The following RBFOX1 variants were observed in gnomAD, a reference collection of about 807,000 sequenced individuals.
RBFOX1 encodes RNA binding protein fox-1 homolog 1.
A neutral mutation model predicts 57.7 loss-of-function variants in RBFOX1; 8 were observed. The observed-to-expected ratio is 0.14, with a 90% CI of 0.08 to 0.25. The LOEUF (loss-of-function observed/expected upper bound fraction) is 0.25, where lower values mean the gene tolerates loss of function less well. RBFOX1 is among the 10% of genes least tolerant of loss of function. The pLI is 1.00. For missense variants in RBFOX1, 611 were observed against 548.5 expected, an observed-to-expected ratio of 1.11 and a Z score of -1.14; for synonymous variants, 326 against 222.4, an observed-to-expected ratio of 1.47 and a Z score of -4.15.
chr16:7,089,423 C>T (rs1353446601), intron 4 of RBFOX1, among the ~76,000 whole-genome samples: 2 of 151,954 alleles, frequency 1.3e-5, no homozygotes. Flanking sequence ...AAAGTAGTCA[C>T]GTGGGATTGT....
intron 5 of RBFOX1, among the ~76,000 whole-genome samples, chr16:7,542,968 G>C (rs1428546894): frequency 1.3e-5 from 2 of 152,142 alleles, no homozygotes; most frequent in African/African-American, 4.8e-5. Context: ...TACAACTATA[G>C]GTACTGACAT....
At chr16:6,869,449 G>T (rs965513617) in intron 3 of RBFOX1, among the ~76,000 whole-genome samples, 1 of 143,654 alleles carries the variant, frequency 7.0e-6, no homozygotes, top group South Asian at 2.4e-4. Context: ...TATTAGGAAG[G>T]AGTTCCCTTA....
intron 4 of RBFOX1, among the ~76,000 whole-genome samples, chr16:7,366,561 C>G (rs534784871): frequency 6.6e-6 from 1 of 152,226 alleles, no homozygotes; most frequent in East Asian, 1.9e-4. Flanking sequence ...TGGAGGCTGC[C>G]TTAGTCGGCT....
Position 7,217,085 on chromosome 16 carries a change from T to C in RBFOX1, c.27+164987T>C, listed in dbSNP as rs1405986997. Among the ~76,000 whole-genome samples the C allele has an allele frequency of 2.6e-5, 3 of 114,848 alleles. No homozygotes were observed. The Admixed American group carries it at 2.8e-4, about 11-fold the overall frequency. 75.3% of individuals were successfully genotyped at this position (114,848 alleles called of 152,430 possible). On this transcript the variant is annotated intron_variant, in intron 4 of 15. Transcript: ENST00000550418. ...TCCCTCTCCTTTCCCTCTCCTCCCC[T>C]GTTTCCCTTTCCTTCCCTTCCCTTT... is the stretch of plus-strand genomic sequence containing the variant.
chr16:6,395,120 G>A (rs746902846), intron 2 of RBFOX1, among the ~76,000 whole-genome samples: 2 of 152,216 alleles, frequency 1.3e-5, no homozygotes, highest in Non-Finnish European at 2.9e-5. Context: ...TCACCGAAGG[G>A]TTTGCTAAAG....
At chr16:7,396,154 C>A (rs879705377) in intron 4 of RBFOX1, among the ~76,000 whole-genome samples, 2 of 151,972 alleles carry the variant, frequency 1.3e-5, no homozygotes, top group African/African-American at 4.8e-5. Flanking sequence ...GGAAGGAGGA[C>A]GAGAGGAAGA....
chr16:6,600,131 C>A (rs916072248), intron 2 of RBFOX1, among the ~76,000 whole-genome samples: 1 of 152,152 alleles, frequency 6.6e-6, no homozygotes, highest in Non-Finnish European at 1.5e-5. Flanking sequence ...CCTTACCAGA[C>A]CCATCACCCA....
intron 1 of RBFOX1, among the ~76,000 whole-genome samples, chr16:6,063,225 C>T (rs568270155): frequency 3.3e-5 from 5 of 152,156 alleles, no homozygotes; most frequent in African/African-American, 1.2e-4. Context: ...GGAAAGAAAA[C>T]TATCAAGGCA....
intron 3 of RBFOX1, among the ~76,000 whole-genome samples, chr16:5,605,402 A>C (rs2047536650): frequency 6.6e-6 from 1 of 152,226 alleles, no homozygotes; most frequent in East Asian, 1.9e-4. Context: ...GGTTAGACCC[A>C]GTCCCAGGTC....
At chr16:6,142,403 A>G (rs1380707714) in intron 1 of RBFOX1, among the ~76,000 whole-genome samples, 1 of 151,672 alleles carries the variant, frequency 6.6e-6, no homozygotes, top group Non-Finnish European at 1.5e-5. Context: ...TTGTATTTTT[A>G]GTAGAGATGG....
At position 5,836,270 on chromosome 16, in the gene RBFOX1, G is replaced by A. The variant is rs1211956048; in HGVS notation, c.319-31033G>A. Among the ~76,000 whole-genome samples the A allele has an allele frequency of 2.6e-5, 4 of 152,124 alleles. No homozygotes were observed. In the South Asian group the frequency reaches 6.2e-4, roughly 24 times the overall value. On this transcript the variant is annotated intron_variant, in intron 3 of 19. Transcript: ENST00000641259. ...CTAAAGGCTTGAGACCCTGGGACAT[G>A]GGAAGTCCAGGTAGACAGGCAGGGC... is the stretch of plus-strand genomic sequence containing the variant.
chr16:5,903,177 G>A (rs139429335), intron 4 of RBFOX1, among the ~76,000 whole-genome samples: 2 of 152,168 alleles, frequency 1.3e-5, no homozygotes, highest in East Asian at 3.9e-4. Context: ...GTTCTGCACT[G>A]GAAAATGTAA....
chr16:5,261,915 A>G (rs2062744348), intron 1 of RBFOX1, among the ~76,000 whole-genome samples: 4 of 152,116 alleles, frequency 2.6e-5, no homozygotes, highest in African/African-American at 9.7e-5. Flanking sequence ...CTTCTCTCCC[A>G]GTAGTTTCTT....
At chr16:5,257,673 T>C (rs1485276772) in intron 1 of RBFOX1, among the ~76,000 whole-genome samples, 1 of 152,148 alleles carries the variant, frequency 6.6e-6, no homozygotes, top group Non-Finnish European at 1.5e-5. Context: ...TCATCTTCCA[T>C]TCCTTTCTTC....
At chr16:6,461,382 G>C (rs1288575420) in intron 2 of RBFOX1, among the ~76,000 whole-genome samples, 1 of 152,160 alleles carries the variant, frequency 6.6e-6, no homozygotes, top group African/African-American at 2.4e-5. Context: ...CACATTCTGA[G>C]GTTTGAGGGA....
At chr16:5,538,091 G>A (rs1245730998) in intron 2 of RBFOX1, among the ~76,000 whole-genome samples, 1 of 152,202 alleles carries the variant, frequency 6.6e-6, no homozygotes, top group Admixed American at 6.5e-5. Flanking sequence ...GACCCCAAAG[G>A]CACAAAGTTG....
chr16:6,904,649 T>C (rs895828722), intron 3 of RBFOX1, among the ~76,000 whole-genome samples: 1 of 142,894 alleles, frequency 7.0e-6, no homozygotes, highest in Admixed American at 7.0e-5. Flanking sequence ...AAAGAAAAAT[T>C]CATACATCTT....
chr16:6,783,327 T>C lies in RBFOX1; in HGVS notation c.-16+128677T>C, dbSNP rs569043259. Among the ~76,000 whole-genome samples, 94 of 151,582 alleles carry C rather than the reference T, an allele frequency of 6.2e-4. 1 individual carries two copies. The East Asian group carries it at 7.5e-3, about 12-fold the overall frequency. On this transcript the variant is annotated intron_variant, in intron 3 of 15. Coordinates refer to ENST00000550418, the MANE Select transcript of RBFOX1 (RefSeq NM_018723.4). ...TTAGTTCTCTCTTCCTTTTTTTTTTTCTTCTTGTCTTCCTTTCTATATAAG... is the reference window on the plus strand; with the variant it reads ...TTAGTTCTCTCTTCCTTTTTTTTTTCCTTCTTGTCTTCCTTTCTATATAAG...
chr16:6,536,318 A>G (rs866078291), intron 2 of RBFOX1, among the ~76,000 whole-genome samples: 2 of 152,194 alleles, frequency 1.3e-5, no homozygotes, highest in Admixed American at 1.3e-4. Context: ...AAAAAAATAG[A>G]TATCACTTTG....
Sources: gnomAD v4.1 joint callset for allele counts (sites outside exome capture counted in the v4.1 genomes callset) on GRCh38, gnomAD v4.1.1 for gene constraint, MANE v1.5 for transcripts, NCBI Gene and HGNC (gene_info 2026-07-23, HGNC 2026-07-21) for gene names.